Variants in PMEPA1 observed in about 807,000 individuals in gnomAD.
PMEPA1 encodes the protein prostate transmembrane protein, androgen induced 1, also known as protein TMEPAI.
A neutral mutation model predicts 23.0 loss-of-function variants in PMEPA1; 11 were observed. That is an observed-to-expected ratio of 0.48 (90% confidence interval 0.30 to 0.79). The LOEUF (loss-of-function observed/expected upper bound fraction) is 0.79. Ranked by LOEUF, PMEPA1 falls within the 30% of genes least tolerant of loss-of-function variation. The pLI is 0.06. For missense variants in PMEPA1, 377 were observed against 390.9 expected (o/e 0.96, Z 0.30); for synonymous variants, 204 against 166.4 (o/e 1.23, Z -1.74).
At position 57,690,254 on chromosome 20, in the gene PMEPA1, C is replaced by T. The variant is rs913206521; in HGVS notation, c.109+19220G>A. 3.1e-5 allele frequency: 14 copies of T among 445,034 alleles called. 1 individual carries two copies. Among genetic ancestry groups the T allele is most frequent in the Admixed American group, 1.1e-4 (4 of 37,118 alleles). The allele number at this position is 445,034 out of a possible 1,614,324, so 27.6% of individuals were successfully genotyped here. On this transcript the variant is annotated intron_variant, in intron 1 of 3. Transcript: ENST00000341744. ...CTGACCTCACCTCTTAGCGAAGAGA[C>T]GCTGGGCAGCGGCTTGGGGCACAGA...
intron 1 of PMEPA1, among the ~76,000 whole-genome samples, chr20:57,695,508 C>G (rs2071933009): frequency 6.6e-6 from 1 of 152,258 alleles, no homozygotes; most frequent in Admixed American, 6.5e-5. Flanking sequence ...CTGCTTAAAA[C>G]TGCAGGCCTG....
chr20:57,661,919 G>A (rs1311846321), intron 1 of PMEPA1, among the ~76,000 whole-genome samples: 1 of 97,276 alleles, frequency 1.0e-5, no homozygotes, highest in Non-Finnish European at 2.0e-5. Flanking sequence ...TTATGCATCT[G>A]TGCCACCCTC....
rs557117440 is a variant in PMEPA1 at position 57,655,207 on chromosome 20, G to A, written c.265-2121C>T. 6.6e-5 allele frequency among the ~76,000 whole-genome samples: 10 copies of A among 152,278 alleles called. No homozygotes were observed. In the South Asian group the frequency reaches 1.7e-3, roughly 25 times the overall value. ...TTGGATCTGAGCCCATCCTGGGTCT[G>A]GACCAATGGCCCCTCTTTCCTCCCT... On this transcript the variant is annotated intron_variant, in intron 2 of 3. Coordinates refer to ENST00000341744, the MANE Select transcript of PMEPA1 (RefSeq NM_020182.5). This position sits in a 1 kb window ranked among gnomAD's most constrained non-coding sequence, Gnocchi z 4.2.
intron 1 of PMEPA1, among the ~76,000 whole-genome samples, chr20:57,687,855 T>C (rs1483368087): frequency 6.6e-6 from 1 of 152,232 alleles, no homozygotes; most frequent in East Asian, 1.9e-4. Flanking sequence ...CCAAACTCAT[T>C]TCCAGCCCAC....
intron 1 of PMEPA1, among the ~76,000 whole-genome samples, chr20:57,689,869 C>T (rs866750136): frequency 1.3e-5 from 2 of 152,254 alleles, no homozygotes; most frequent in African/African-American, 4.8e-5. Context: ...TCTGATTCAG[C>T]AGCTCTATAT....
chr20:57,663,424 G>A (rs1306015822), intron 1 of PMEPA1, among the ~76,000 whole-genome samples: 2 of 152,096 alleles, frequency 1.3e-5, no homozygotes, highest in Non-Finnish European at 2.9e-5. Context: ...CGGGGGGACG[G>A]TGGGCAGCAG....
intron 1 of PMEPA1, among the ~76,000 whole-genome samples, chr20:57,660,931 C>T (rs1484546468): frequency 6.6e-6 from 1 of 152,178 alleles, no homozygotes; most frequent in Non-Finnish European, 1.5e-5. Flanking sequence ...TCCCAACACA[C>T]ACTTCCCAAC....
chr20:57,700,005 TAAAA>T, intron 1 of PMEPA1: 1 of 471,014 alleles, frequency 2.1e-6, no homozygotes, highest in Non-Finnish European at 4.4e-6. Context: ...GCTCTAAATA[TAAAA>T]ACACACCTTT....
intron 1 of PMEPA1, among the ~76,000 whole-genome samples, chr20:57,666,220 T>C (rs1398405666): frequency 6.6e-6 from 1 of 152,292 alleles, no homozygotes; most frequent in Admixed American, 6.5e-5. Context: ...CTCCTTTTCA[T>C]GGTCTCCTCC....
intron 1 of PMEPA1, among the ~76,000 whole-genome samples, chr20:57,695,551 G>GGGA (rs766905461): frequency 5.3e-5 from 8 of 152,232 alleles, no homozygotes; most frequent in Non-Finnish European, 7.3e-5. Context: ...TGTAATCTTT[G>GGGA]GGAGGCTGAA....
chr20:57,702,689 C>T (rs2072028801), intron 1 of PMEPA1, among the ~76,000 whole-genome samples: 1 of 152,188 alleles, frequency 6.6e-6, no homozygotes, highest in Non-Finnish European at 1.5e-5. Context: ...AGCATCAGTT[C>T]CTGGCTGTGT....
chr20:57,649,976 TG>T lies in PMEPA1; in HGVS notation c.*2076del, dbSNP rs1187176547. 6.5e-6 allele frequency: 1 copy of T among 152,684 alleles called. No individual in the cohort carries two copies. Among genetic ancestry groups the T allele is most frequent in the Non-Finnish European group, 1.5e-5 (1 of 68,034 alleles). The allele number at this position is 152,684 out of a possible 1,614,324, so 9.5% of individuals were successfully genotyped here. The stretch of plus-strand genomic sequence containing the variant: ...TTGTACCTTTCGGGATAACCTGTAC[TG>T]ATTTCTCTGCAGGACCTTTTCAAAG... On this transcript the variant is annotated 3_prime_UTR_variant, in exon 4 of 4. Transcript: ENST00000341744.
Position 57,651,235 on chromosome 20 carries a change from G to A in PMEPA1, c.*818C>T, listed in dbSNP as rs1179684140. 2 of 152,328 alleles carry A rather than the reference G, an allele frequency of 1.3e-5. No individual in the cohort carries two copies. The allele number at this position is 152,328 out of a possible 1,614,324, so 9.4% of individuals were successfully genotyped here. ...ATAACGTGGTGATAACCTGTCACTA[G>A]GCAGAAGCATCCACTCTGCAGGGAC... On this transcript the variant is annotated 3_prime_UTR_variant, in exon 4 of 4. Coordinates refer to ENST00000341744, the MANE Select transcript of PMEPA1 (RefSeq NM_020182.5).
At chr20:57,666,020 C>G (rs144657843) in intron 1 of PMEPA1, among the ~76,000 whole-genome samples, 1 of 151,712 alleles carries the variant, frequency 6.6e-6, no homozygotes, top group Non-Finnish European at 1.5e-5. Flanking sequence ...TTGGAGGGCC[C>G]GGGGGCTCCT....
chr20:57,677,465 G>A (rs543458397), intron 1 of PMEPA1, among the ~76,000 whole-genome samples: 3 of 152,174 alleles, frequency 2.0e-5, no homozygotes, highest in Non-Finnish European at 4.4e-5. Context: ...CGCTGTATCC[G>A]TGAGGGCTAA....
chr20:57,694,904 T>G (rs1229251742), intron 1 of PMEPA1, among the ~76,000 whole-genome samples: 1 of 152,234 alleles, frequency 6.6e-6, no homozygotes, highest in Non-Finnish European at 1.5e-5. Flanking sequence ...GAGGCTGCCA[T>G]GACTGTGACC....
At chr20:57,693,945 C>T (rs1314229991) in intron 1 of PMEPA1, among the ~76,000 whole-genome samples, 1 of 152,232 alleles carries the variant, frequency 6.6e-6, no homozygotes, top group Non-Finnish European at 1.5e-5. Flanking sequence ...AGCCTCATCA[C>T]CAGCTGGGAG....
intron 2 of PMEPA1, among the ~76,000 whole-genome samples, chr20:57,654,517 GTCTTAACTGCC>G (rs2071299203): frequency 1.3e-5 from 2 of 152,096 alleles, no homozygotes; most frequent in Admixed American, 1.3e-4. Flanking sequence ...CCTTAAGGAG[GTCTTAACTGCC>G]TCGTCTCCTG....
intron 1 of PMEPA1, among the ~76,000 whole-genome samples, chr20:57,705,817 G>A (rs2072076207): frequency 6.6e-6 from 1 of 152,188 alleles, no homozygotes; most frequent in South Asian, 2.1e-4. Context: ...CCTGGGAGAG[G>A]GGTGCTGGTA....
Sources: allele counts gnomAD v4.1 joint callset (sites outside exome capture counted in the v4.1 genomes callset), GRCh38; gene constraint gnomAD v4.1.1; non-coding constraint Gnocchi (gnomAD v3.1); transcripts MANE v1.5; gene names NCBI Gene and HGNC (gene_info 2026-07-23, HGNC 2026-07-21).